The following PPARGC1A variants were observed in gnomAD, a reference collection of about 807,000 sequenced individuals.
PPARGC1A encodes the protein PPARG coactivator 1 alpha.
PPARGC1A carries 25 observed loss-of-function variants against 88.7 expected under a neutral mutation model. That is an observed-to-expected ratio of 0.28 (90% confidence interval 0.21 to 0.39). The LOEUF (loss-of-function observed/expected upper bound fraction) is 0.39, where lower values mean the gene tolerates loss of function less well. PPARGC1A is among the 10% of genes least tolerant of loss of function. The pLI, the probability that PPARGC1A is intolerant of heterozygous loss-of-function variation, is 1.00. For synonymous variants in PPARGC1A, 363 were observed against 355.6 expected, an observed-to-expected ratio of 1.02 and a Z score of -0.24; for missense variants, 880 against 968.7, an observed-to-expected ratio of 0.91 and a Z score of 1.22.
the PPARGC1A span, among the ~76,000 whole-genome samples, chr4:23,940,455 A>G: frequency 4.6e-5 from 7 of 152,240 alleles, no homozygotes; most frequent in African/African-American, 1.7e-4. Context: ...GCAATTGTCC[A>G]AGGAAGAAGG....
At chr4:24,106,511 C>T in the PPARGC1A span, among the ~76,000 whole-genome samples, 19 of 152,160 alleles carry the variant, frequency 1.2e-4, 1 homozygote, top group Admixed American at 1.0e-3. Context: ...AAGAATCGTC[C>T]CTAGTTTCCT....
chr4:24,008,464 C>G, the PPARGC1A span, among the ~76,000 whole-genome samples: 2 of 152,038 alleles, frequency 1.3e-5, no homozygotes, highest in African/African-American at 4.8e-5. Context: ...TGAAGCCATA[C>G]GAACAACTAA....
At chr4:24,268,437 G>A in the PPARGC1A span, among the ~76,000 whole-genome samples, 6 of 152,150 alleles carry the variant, frequency 3.9e-5, no homozygotes, top group South Asian at 2.1e-4. Context: ...GGCTAATAAC[G>A]TGAGTGGAGA....
the PPARGC1A span, among the ~76,000 whole-genome samples, chr4:24,373,700 T>C: frequency 0.41 from 62,945 of 152,114 alleles, 13,595 homozygotes; most frequent in East Asian, 0.59. Context: ...AAGACAGCTG[T>C]GTTTTTAAGA....
chr4:24,235,206 C>T, the PPARGC1A span, among the ~76,000 whole-genome samples: 1 of 152,130 alleles, frequency 6.6e-6, no homozygotes, highest in Non-Finnish European at 1.5e-5. Flanking sequence ...CTTTAAGAAA[C>T]TGACATTTAT....
the PPARGC1A span, among the ~76,000 whole-genome samples, chr4:24,044,171 C>A: frequency 1.3e-5 from 2 of 152,222 alleles, no homozygotes; most frequent in Non-Finnish European, 2.9e-5. Flanking sequence ...TAAACAAGAA[C>A]CCCTGCTGCC....
the PPARGC1A span, among the ~76,000 whole-genome samples, chr4:24,028,431 C>G: frequency 2.1e-3 from 315 of 152,238 alleles, no homozygotes; most frequent in African/African-American, 7.2e-3. Context: ...TGTTGAGCAC[C>G]TATGCCATGC....
the PPARGC1A span, among the ~76,000 whole-genome samples, chr4:23,970,325 G>A: frequency 6.6e-6 from 1 of 152,296 alleles, no homozygotes; most frequent in African/African-American, 2.4e-5. Context: ...AACCTTCTTG[G>A]GCTTTACCAC....
At chr4:24,305,611 G>A in the PPARGC1A span, among the ~76,000 whole-genome samples, 9 of 152,188 alleles carry the variant, frequency 5.9e-5, no homozygotes, top group East Asian at 1.9e-4. Flanking sequence ...TTGGGAGTTC[G>A]AGACCAGCCT....
At chr4:24,052,854 ATTTTTTTTTTTTT>A in the PPARGC1A span, among the ~76,000 whole-genome samples, 1 of 65,790 alleles carries the variant, frequency 1.5e-5, no homozygotes, top group Non-Finnish European at 2.7e-5. Context: ...GCGTACGCAG[ATTTTTTTTTTTTT>A]TTTTTTTTTT....
the PPARGC1A span, among the ~76,000 whole-genome samples, chr4:24,451,926 T>G: frequency 6.6e-6 from 1 of 152,186 alleles, no homozygotes; most frequent in Admixed American, 6.5e-5. Context: ...TGCCCAGATA[T>G]TTGGTCAAAC....
chr4:24,423,523 G>A, the PPARGC1A span, among the ~76,000 whole-genome samples: 1 of 151,074 alleles, frequency 6.6e-6, no homozygotes, highest in Non-Finnish European at 1.5e-5. Context: ...GACTATCAAA[G>A]CAAGATACAT....
the PPARGC1A span, among the ~76,000 whole-genome samples, chr4:23,935,684 A>G: frequency 2.0e-5 from 3 of 152,204 alleles, no homozygotes; most frequent in African/African-American, 7.2e-5. Flanking sequence ...AGACATTTGT[A>G]TCTCTGTTTT....
At chr4:24,111,003 TG>T in the PPARGC1A span, among the ~76,000 whole-genome samples, 1 of 152,244 alleles carries the variant, frequency 6.6e-6, no homozygotes. Flanking sequence ...ACACTGACTT[TG>T]ATTTTTTGAT....
the PPARGC1A span, among the ~76,000 whole-genome samples, chr4:24,372,049 A>ATC: frequency 3.7e-3 from 562 of 152,212 alleles, 26 homozygotes; most frequent in East Asian, 0.081. Flanking sequence ...ATAAAGTTTC[A>ATC]TCTCTCTCTC....
the PPARGC1A span, among the ~76,000 whole-genome samples, chr4:24,225,034 G>C: frequency 6.6e-6 from 1 of 152,192 alleles, no homozygotes; most frequent in Non-Finnish European, 1.5e-5. Context: ...TGAGCACAGA[G>C]AGGGAGGGGC....
chr4:24,192,115 C>T, the PPARGC1A span, among the ~76,000 whole-genome samples: 34 of 152,154 alleles, frequency 2.2e-4, no homozygotes, highest in Non-Finnish European at 3.1e-4. Flanking sequence ...CTTTTATACT[C>T]CTCTAGTTCT....
the PPARGC1A span, among the ~76,000 whole-genome samples, chr4:24,084,682 A>C: frequency 6.6e-6 from 1 of 152,224 alleles, no homozygotes; most frequent in Non-Finnish European, 1.5e-5. Context: ...TCCCAGCCTT[A>C]TGAATCTGAT....
the PPARGC1A span, among the ~76,000 whole-genome samples, chr4:24,361,392 G>A: frequency 6.6e-6 from 1 of 152,160 alleles, no homozygotes; most frequent in African/African-American, 2.4e-5. Context: ...TAGTCAACAA[G>A]ACCTGAAATG....
Sources: allele counts gnomAD v4.1 joint callset (sites outside exome capture counted in the v4.1 genomes callset), GRCh38; gene constraint gnomAD v4.1.1; transcripts MANE v1.5; gene names NCBI Gene and HGNC (gene_info 2026-07-23, HGNC 2026-07-21).